The following MANBA variants were observed in gnomAD, a reference collection of about 807,000 sequenced individuals.
The protein encoded by MANBA is beta-mannosidase.
MANBA carries 83 observed loss-of-function variants against 111.1 expected under a neutral mutation model. The ratio of observed to expected loss-of-function variants is 0.75; its 90% CI spans 0.63 to 0.90. The LOEUF is 0.90. MANBA is among the 40% of genes least tolerant of loss of function. The probability of loss-of-function intolerance (pLI) is 0.00; values close to 1 mark genes in which losing one functional copy is unlikely to be tolerated. For missense variants in MANBA, 1,036 were observed against 1,069.0 expected, an observed-to-expected ratio of 0.97 and a Z score of 0.43; for synonymous variants, 370 against 378.7, an observed-to-expected ratio of 0.98 and a Z score of 0.27.
Position 102,650,694 on chromosome 4 carries a change from G to A in MANBA, c.1712C>T (p.Ser571Phe). 1.9e-6 allele frequency: 3 copies of A among 1,611,734 alleles called. No individual in the cohort carries two copies. The South Asian group carries it at 3.3e-5, about 18-fold the overall frequency. ...GCTATTGAAAGACCAGTCCTCTGTA[G>A]ACGAGACCTTTCAAATAAAGAATAA... ...PSFSTLEKVS[S>F]TEDWSFNSKF... The change falls in exon 13 of 17, where the codon TCT becomes TTT. Residue 571 changes from serine to phenylalanine, a missense_variant. Physicochemically the swap from Ser to Phe is radical, Grantham distance 155. Coordinates refer to ENST00000647097, the MANE Select transcript of MANBA (RefSeq NM_005908.4).
At chr4:102,670,658 A>G (rs1731453923) in intron 9 of MANBA, among the ~76,000 whole-genome samples, 1 of 152,184 alleles carries the variant, frequency 6.6e-6, no homozygotes, top group Admixed American at 6.5e-5. Context: ...AGCCTGGACA[A>G]CACGGTGAAA....
intron 13 of MANBA, 73 bp from the exon 14 acceptor site, chr4:102,639,930 G>A (rs1319184787): frequency 1.3e-6 from 2 of 1,551,664 alleles, no homozygotes; most frequent in Admixed American, 3.3e-5. Flanking sequence ...AAAAATACAG[G>A]GTTTAGTTTT....
intron 1 of MANBA, chr4:102,734,695 C>G: frequency 1.1e-6 from 1 of 946,724 alleles, no homozygotes; most frequent in Non-Finnish European, 1.6e-6. Flanking sequence ...CCTGTTCCCC[C>G]TCTCCATCCC....
At chr4:102,704,213 G>A (rs191714597) in intron 5 of MANBA, among the ~76,000 whole-genome samples, 5 of 152,158 alleles carry the variant, frequency 3.3e-5, no homozygotes, top group East Asian at 1.9e-4. Flanking sequence ...CTCTTTCTCC[G>A]TTGCAATTCC....
At chr4:102,688,625 T>C (rs116350767) in intron 7 of MANBA, among the ~76,000 whole-genome samples, 2 of 152,320 alleles carry the variant, frequency 1.3e-5, no homozygotes, top group East Asian at 1.9e-4. Context: ...ATACCATTTC[T>C]ACTAACTATA....
At chr4:102,739,276 A>G (rs1723320792) in intron 1 of MANBA, among the ~76,000 whole-genome samples, 2 of 152,300 alleles carry the variant, frequency 1.3e-5, no homozygotes, top group Admixed American at 6.5e-5. Context: ...CTCTCAACAG[A>G]CCAATAACAA....
intron 5 of MANBA, among the ~76,000 whole-genome samples, chr4:102,700,186 T>C (rs1732954774): frequency 6.6e-6 from 1 of 151,162 alleles, no homozygotes; most frequent in African/African-American, 2.4e-5. Flanking sequence ...TTTGTATTTC[T>C]GTGGGATCGG....
At chr4:102,643,437 T>C (rs566386498) in intron 13 of MANBA, among the ~76,000 whole-genome samples, 1 of 152,322 alleles carries the variant, frequency 6.6e-6, no homozygotes, top group East Asian at 1.9e-4. Context: ...CTGGGTCATA[T>C]GGCAAACTCT....
chr4:102,704,374 T>A (rs12513074), intron 5 of MANBA, among the ~76,000 whole-genome samples: 24,135 of 152,094 alleles, frequency 0.16, 2,140 homozygotes, highest in East Asian at 0.32. Context: ...AGACAATGTC[T>A]GCTCAGGCTG....
At position 102,631,955 on chromosome 4, in the gene MANBA, T is replaced by C. The variant is rs1028879332; in HGVS notation, c.*102A>G. The stretch of plus-strand genomic sequence containing the variant: ...TCAAATGCGTGGCAGCACGCAGACA[T>C]GTCTCTCGGCTTCTCTCCTTGTCTC... On this transcript the variant is annotated 3_prime_UTR_variant, in exon 17 of 17. Coordinates refer to ENST00000647097, the MANE Select transcript of MANBA (RefSeq NM_005908.4). 4.0e-6 allele frequency: 4 copies of C among 998,026 alleles called. No individual in the cohort carries two copies. The highest frequency in any genetic ancestry group is 1.9e-5 in the Admixed American group (1 of 53,674). The allele number at this position is 998,026 out of a possible 1,614,324, so 61.8% of individuals were successfully genotyped here.
chr4:102,650,264 T>G (rs922333948), intron 13 of MANBA, among the ~76,000 whole-genome samples: 1 of 152,246 alleles, frequency 6.6e-6, no homozygotes, highest in Non-Finnish European at 1.5e-5. Context: ...CTGTCTTAAT[T>G]ACTAAACCTT....
At chr4:102,687,384 C>T (rs372493703) in intron 7 of MANBA, among the ~76,000 whole-genome samples, 10 of 152,260 alleles carry the variant, frequency 6.6e-5, no homozygotes, top group African/African-American at 2.4e-4. Context: ...AAAATCCTTC[C>T]AAGAATCCTG....
chr4:102,752,049 T>C, intron 1 of MANBA: 2 of 753,684 alleles, frequency 2.7e-6, no homozygotes, highest in Non-Finnish European at 5.0e-6. Flanking sequence ...AGATCTGGTC[T>C]ACAGTCCCTA....
intron 4 of MANBA, among the ~76,000 whole-genome samples, chr4:102,718,281 A>G (rs191367050): frequency 6.6e-6 from 1 of 152,364 alleles, no homozygotes; most frequent in Admixed American, 6.5e-5. Context: ...GTCCCTGTGA[A>G]TCAGACAAGT....
intron 11 of MANBA, among the ~76,000 whole-genome samples, chr4:102,664,057 G>C (rs1296137149): frequency 6.6e-6 from 1 of 152,170 alleles, no homozygotes; most frequent in African/African-American, 2.4e-5. Flanking sequence ...CAGAATTTTA[G>C]AAGTGGCATA....
At chr4:102,687,586 C>T (rs968379960) in intron 7 of MANBA, among the ~76,000 whole-genome samples, 1 of 152,182 alleles carries the variant, frequency 6.6e-6, no homozygotes, top group Admixed American at 6.5e-5. Context: ...TCTTTTCCCT[C>T]CGCCTCTTTG....
rs558710124 is a variant in MANBA at position 102,657,776 on chromosome 4, A to C, written c.1610T>G (p.Ile537Ser). ...AACTTTCCAGTTCCAGCAATCACTG[A>C]TATAGTCATAAAAATGTACATCACC... ...YFGDVHFYDY[I>S]SDCWNWKVFP... Residue 537 changes from isoleucine to serine, a missense_variant, in exon 12 of 17, where the codon ATC becomes AGC. Coordinates refer to ENST00000647097, the MANE Select transcript of MANBA (RefSeq NM_005908.4). 6.2e-7 allele frequency: 1 copy of C among 1,613,770 alleles called. No homozygotes were observed. Among genetic ancestry groups the C allele is most frequent in the South Asian group, 1.1e-5 (1 of 91,074 alleles).
chr4:102,734,363 C>G, intron 1 of MANBA: 3 of 1,609,040 alleles, frequency 1.9e-6, no homozygotes, highest in Non-Finnish European at 2.5e-6. Flanking sequence ...GGGCCATGGC[C>G]TCTGACCTAG....
At chr4:102,758,551 C>CTTTTTTTTT (rs374542775) in intron 1 of MANBA, among the ~76,000 whole-genome samples, 2 of 137,140 alleles carry the variant, frequency 1.5e-5, no homozygotes, top group African/African-American at 2.7e-5. Flanking sequence ...TACTTTTTTT[C>CTTTTTTTTT]TTTTTTTTTT....
Sources: gnomAD v4.1 joint callset for allele counts (sites outside exome capture counted in the v4.1 genomes callset) on GRCh38, gnomAD v4.1.1 for gene constraint, MANE v1.5 for transcripts, NCBI Gene and HGNC (gene_info 2026-07-23, HGNC 2026-07-21) for gene names.